ZNF316: variants seen among roughly 807,000 people sequenced by gnomAD.
ZNF316 encodes zinc finger protein 316.
A neutral mutation model predicts 75.6 loss-of-function variants in ZNF316; 23 were observed. The ratio of observed to expected loss-of-function variants is 0.30; its 90% CI spans 0.22 to 0.43. ZNF316 has a LOEUF of 0.43. Ranked by LOEUF, ZNF316 falls within the 20% of genes least tolerant of loss-of-function variation. The probability of loss-of-function intolerance (pLI) is 1.00; values close to 1 mark genes in which losing one functional copy is unlikely to be tolerated. For synonymous variants in ZNF316, 827 were observed against 666.2 expected (o/e 1.24, Z -3.72); for missense variants, 1,266 against 1,409.4 (o/e 0.90, Z 1.63).
At chr7:6,647,083 A>T (rs563450271) in intron 8 of ZNF316, among the ~76,000 whole-genome samples, 2 of 152,290 alleles carry the variant, frequency 1.3e-5, no homozygotes, top group East Asian at 3.9e-4. Context: ...GCCTGGAGAA[A>T]ATTGTGGCTG....
Position 6,656,291 on chromosome 7 carries a change from G to A in ZNF316, c.*1680G>A, listed in dbSNP as rs1779624955. 6.6e-6 allele frequency: 1 copy of A among 152,300 alleles called. No homozygotes were observed. Among genetic ancestry groups the A allele is most frequent in the Non-Finnish European group, 1.5e-5 (1 of 68,130 alleles). 9.4% of individuals were successfully genotyped at this position (152,300 alleles called of 1,614,324 possible). On this transcript the variant is annotated 3_prime_UTR_variant, in exon 9 of 9. Coordinates refer to ENST00000382252, the MANE Select transcript of ZNF316 (RefSeq NM_001278559.2). ...GAGCCTCAGAAAGGGCCAAGGGCAA[G>A]GTGGGCTTGGGGGGCTCTGGGAATC...
intron 8 of ZNF316, among the ~76,000 whole-genome samples, chr7:6,648,911 G>A (rs1271363113): frequency 6.6e-6 from 1 of 152,082 alleles, no homozygotes; most frequent in East Asian, 1.9e-4. Context: ...GGGAGCAGCT[G>A]TGCCTGGTGC....
rs555955232 is a variant in ZNF316, at chr7:6,649,579, G to A, written c.707-2724G>A. Among the ~76,000 whole-genome samples the A allele has an allele frequency of 3.2e-4, 48 of 152,292 alleles. No individual in the cohort carries two copies. The Middle Eastern group carries it at 0.014, about 43-fold the overall frequency. ...AACACCCTCACTCAAGGATGTTCCC[G>A]TGGACTTCGACAGAGCCTGGCCTGG... On this transcript the variant is annotated intron_variant, in intron 8 of 8. Transcript: ENST00000382252.
Position 6,642,112 on chromosome 7 carries a change from C to T in ZNF316, c.-29+150C>T, listed in dbSNP as rs1049715517. 60 of 315,396 alleles carry T rather than the reference C, an allele frequency of 1.9e-4. No individual in the cohort carries two copies. Among genetic ancestry groups the T allele is most frequent in the African/African-American group, 4.3e-5 (2 of 46,888 alleles). The allele number at this position is 315,396 out of a possible 1,614,324, so 19.5% of individuals were successfully genotyped here. A position where few individuals can be genotyped will look rare whatever the true frequency, so the allele number is the denominator to read the frequency against. On this transcript the variant is annotated intron_variant, in intron 4 of 8. Coordinates refer to ENST00000382252, the MANE Select transcript of ZNF316 (RefSeq NM_001278559.2). This position sits in a 1 kb window ranked among gnomAD's most constrained non-coding sequence, Gnocchi z 8.1. ...AAAGAGCAGCAGTTCACACCAGGCA[C>T]GTAGTTCTTGGTGAAAAGGAGCTGA...
intron 2 of ZNF316, among the ~76,000 whole-genome samples, 191 bp from the exon 3 acceptor site, chr7:6,638,851 G>C (rs1779264702): frequency 6.6e-6 from 1 of 152,212 alleles, no homozygotes; most frequent in Admixed American, 6.5e-5. Flanking sequence ...GGAGAAGTGA[G>C]CAGTGTTTAC....
rs762423567 is a variant in ZNF316 at position 6,655,799 on chromosome 7, C to T, written c.*1188C>T. On this transcript the variant is annotated 3_prime_UTR_variant, in exon 9 of 9. Transcript: ENST00000382252. ...CTGTCCACCTCGGGGGGGTGTGGAC[C>T]TGAGCCGTGGCTCAGTGACAAACCA... The T allele has an allele frequency of 7.9e-5, 12 of 152,256 alleles. No homozygotes were observed. Among genetic ancestry groups the T allele is most frequent in the Non-Finnish European group, 1.5e-4 (10 of 68,078 alleles). 9.4% of individuals were successfully genotyped at this position (152,256 alleles called of 1,614,324 possible).
rs1779543234 is a variant in ZNF316, at chr7:6,653,147, C to T, written c.1551C>T (p.Pro517=). ...GGCAEAGGDG[P]RREPGETAAA... Reference sequence around the variant, plus strand: ...GCGCGGAGGCGGGTGGTGACGGCCCCCGGCGGGAGCCCGGCGAGACGGCGG... The same window carrying T: ...GCGCGGAGGCGGGTGGTGACGGCCCTCGGCGGGAGCCCGGCGAGACGGCGG... The change falls in exon 9 of 9, where the codon CCC becomes CCT. Residue 517 remains proline, a synonymous_variant. Coordinates refer to ENST00000382252, the MANE Select transcript of ZNF316 (RefSeq NM_001278559.2). The T allele has an allele frequency of 2.5e-6, 3 of 1,178,110 alleles. No homozygotes were observed. Among genetic ancestry groups the T allele is most frequent in the East Asian group, 3.8e-5 (1 of 26,536 alleles). 73.0% of individuals were successfully genotyped at this position (1,178,110 alleles called of 1,614,324 possible).
At position 6,642,752 on chromosome 7, in the gene ZNF316, C is replaced by T. The variant is rs1779333374; in HGVS notation, c.343C>T (p.Leu115Phe). The T allele has an allele frequency of 3.1e-5, 38 of 1,233,420 alleles. No individual in the cohort carries two copies. Among genetic ancestry groups the T allele is most frequent in the Non-Finnish European group, 3.8e-5 (38 of 989,054 alleles). 76.4% of individuals were successfully genotyped at this position (1,233,420 alleles called of 1,614,324 possible). The change falls in exon 5 of 9, where the codon CTT becomes TTT. Residue 115 changes from leucine to phenylalanine, a missense_variant. By Grantham distance (22) the Leu-to-Phe change is conservative. Around this residue, in one of 3 missense-constraint regions of ZNF316, gnomAD observed 961 missense variants for 990.9 expected, o/e 0.97. Transcript: ENST00000382252. This position sits in a 1 kb window ranked among gnomAD's most constrained non-coding sequence, Gnocchi z 8.1. ...SRGGDAKSPVLQEKGLQASRA... is the reference protein window; with the variant it reads ...SRGGDAKSPVFQEKGLQASRA... ...TGGTGGTGATGCCAAGTCCCCAGTT[C>T]TTCAGGAAAAGGGTAAGAAAAGCAG...
chr7:6,650,609 T>C (rs2250243), intron 8 of ZNF316, among the ~76,000 whole-genome samples: 37,351 of 152,128 alleles, frequency 0.25, 5,533 homozygotes, highest in East Asian at 0.65. Flanking sequence ...ACCCGAGGCC[T>C]ACTGGGACCT....
rs1233166080 is a variant in ZNF316 at position 6,657,892 on chromosome 7, C to G, written c.*3281C>G. Among the ~76,000 whole-genome samples the G allele has an allele frequency of 3.4e-5, 5 of 147,848 alleles. No individual in the cohort carries two copies. Among genetic ancestry groups the G allele is most frequent in the Non-Finnish European group, 7.4e-5 (5 of 67,160 alleles). ...ATAGAACTTATAGTTGACTGTCCAG[C>G]CAAATACTTAAAAAAAAAGTTTATA... On this transcript the variant is annotated 3_prime_UTR_variant, in exon 9 of 9. Coordinates refer to ENST00000382252, the MANE Select transcript of ZNF316 (RefSeq NM_001278559.2).
chr7:6,643,082 C>T lies in ZNF316; in HGVS notation c.465+9C>T, dbSNP rs1779339922. On this transcript the variant is annotated intron_variant, in intron 6 of 8. Coordinates refer to ENST00000382252, the MANE Select transcript of ZNF316 (RefSeq NM_001278559.2). ...TGACGGCTGGGTGTCAGGTGAGCCG[C>T]CCTCTCCGTTTGGGGCTTGGGTAAC... 1 of 1,234,224 alleles carries T rather than the reference C, an allele frequency of 8.1e-7. No individual in the cohort carries two copies. Among genetic ancestry groups the T allele is most frequent in the Non-Finnish European group, 1.0e-6 (1 of 989,236 alleles). 76.5% of individuals were successfully genotyped at this position (1,234,224 alleles called of 1,614,324 possible).
intron 8 of ZNF316, among the ~76,000 whole-genome samples, chr7:6,647,169 G>A (rs551219047): frequency 6.6e-6 from 1 of 151,726 alleles, no homozygotes; most frequent in South Asian, 2.1e-4. Context: ...CTCCGAGATG[G>A]ACCCCCTCAG....
In ZNF316 at chr7:6,654,343, C is replaced by T; in HGVS notation, c.2747C>T (p.Ala916Val). The T allele has an allele frequency of 1.6e-6, 2 of 1,221,336 alleles. No homozygotes were observed. The highest frequency in any genetic ancestry group is 2.0e-6 in the Non-Finnish European group (2 of 981,028). 75.7% of individuals were successfully genotyped at this position (1,221,336 alleles called of 1,614,324 possible). Residue 916 changes from alanine (A) to valine (V), a missense_variant, in exon 9 of 9, where the codon GCC (alanine) becomes GTC (valine). Coordinates refer to ENST00000382252, the MANE Select transcript of ZNF316 (RefSeq NM_001278559.2). Reference protein sequence around the residue: ...QRTHTGERPYACANCGRRFSQ... With the variant: ...QRTHTGERPYVCANCGRRFSQ... ...ACACATACGGGCGAGCGGCCCTACGCCTGCGCCAACTGCGGCCGCCGCTTC... is the reference window on the plus strand; with the variant it reads ...ACACATACGGGCGAGCGGCCCTACGTCTGCGCCAACTGCGGCCGCCGCTTC...
intron 8 of ZNF316, among the ~76,000 whole-genome samples, chr7:6,645,030 G>A (rs1225821117): frequency 2.0e-5 from 3 of 152,220 alleles, no homozygotes; most frequent in African/African-American, 4.8e-5. Context: ...GAGCACCATG[G>A]GCAGGACTCT....
chr7:6,647,172 C>T (rs1779420899), intron 8 of ZNF316, among the ~76,000 whole-genome samples: 1 of 145,142 alleles, frequency 6.9e-6, no homozygotes, highest in Non-Finnish European at 1.5e-5. Flanking sequence ...CGAGATGGAC[C>T]CCCTCAGCCA....
rs1251867842 is a variant in ZNF316, at chr7:6,656,137, A to G, written c.*1526A>G. On this transcript the variant is annotated 3_prime_UTR_variant, in exon 9 of 9. Coordinates refer to ENST00000382252, the MANE Select transcript of ZNF316 (RefSeq NM_001278559.2). Reference sequence around the variant, plus strand: ...GAAGAGGGCCTGGGTGGTGGCGGTCAGTTAGCCTGGCTGGGTGAGGTTGGT... The same window carrying G: ...GAAGAGGGCCTGGGTGGTGGCGGTCGGTTAGCCTGGCTGGGTGAGGTTGGT... 6.6e-6 allele frequency: 1 copy of G among 152,404 alleles called. No homozygotes were observed. The highest frequency in any genetic ancestry group is 6.5e-5 in the Admixed American group (1 of 15,272). The allele number at this position is 152,404 out of a possible 1,614,324, so 9.4% of individuals were successfully genotyped here. A position where few individuals can be genotyped will look rare whatever the true frequency, so the allele number is the denominator to read the frequency against.
rs1220635972 is a variant in ZNF316 at position 6,658,116 on chromosome 7, A to T, written c.*3505A>T. Among the ~76,000 whole-genome samples the T allele has an allele frequency of 1.3e-5, 2 of 151,396 alleles. No individual in the cohort carries two copies. Among genetic ancestry groups the T allele is most frequent in the South Asian group, 4.2e-4 (2 of 4,788 alleles). On this transcript the variant is annotated 3_prime_UTR_variant, in exon 9 of 9. Coordinates refer to ENST00000382252, the MANE Select transcript of ZNF316 (RefSeq NM_001278559.2). Reference sequence around the variant, plus strand: ...CCTTTCTCTTTTGCCGGTTTCCCCAACCTCCTTCCTTTTCTGATTCATTCC... The same window carrying T: ...CCTTTCTCTTTTGCCGGTTTCCCCATCCTCCTTCCTTTTCTGATTCATTCC...
chr7:6,644,016 G>C, intron 7 of ZNF316, 68 bp downstream of exon 7: 2 of 1,227,254 alleles, frequency 1.6e-6, no homozygotes. Context: ...TTAGCTGTCT[G>C]ACGGGGCGCT....
intron 8 of ZNF316, 63 bp from the exon 9 acceptor site, chr7:6,652,240 C>T (rs1042171231): frequency 2.4e-6 from 3 of 1,229,036 alleles, no homozygotes; most frequent in Admixed American, 4.2e-5. Flanking sequence ...GGACAGGAAC[C>T]TGCCAGAGGC....
Sources: gnomAD v4.1 joint callset for allele counts (sites outside exome capture counted in the v4.1 genomes callset) on GRCh38, gnomAD v4.1.1 for gene constraint, gnomAD v4.1.1 regional missense constraint, Gnocchi (gnomAD v3.1) non-coding constraint, MANE v1.5 for transcripts, NCBI Gene and HGNC (gene_info 2026-07-23, HGNC 2026-07-21) for gene names.